ZNF148: variants seen among roughly 807,000 people sequenced by gnomAD.
ZNF148 encodes Beta-Enolase Repressor Factor-1.
Under a neutral mutation model 67.7 loss-of-function variants are expected in ZNF148, and 7 were observed. The observed-to-expected ratio is 0.10, with a 90% CI of 0.06 to 0.19. The LOEUF is 0.19. ZNF148 is among the 10% of genes least tolerant of loss of function. The pLI, the probability that ZNF148 is intolerant of heterozygous loss-of-function variation, is 1.00. For synonymous variants in ZNF148, 333 were observed against 330.7 expected (o/e 1.01, Z -0.08); for missense variants, 583 against 947.1 (o/e 0.62, Z 5.05).
At chr3:125,362,442 C>T (rs540834766) in intron 1 of ZNF148, among the ~76,000 whole-genome samples, 10 of 152,224 alleles carry the variant, frequency 6.6e-5, no homozygotes, top group Middle Eastern at 6.8e-3. Flanking sequence ...AACCACCATG[C>T]ACCCTGGTCT....
intron 7 of ZNF148, among the ~76,000 whole-genome samples, chr3:125,271,590 C>T (rs775060824): frequency 2.0e-5 from 3 of 152,188 alleles, no homozygotes; most frequent in South Asian, 2.1e-4. Flanking sequence ...ACCAGTTATA[C>T]GCACTGAGGG....
chr3:125,290,204 A>G (rs1938932054), intron 4 of ZNF148, among the ~76,000 whole-genome samples: 1 of 152,058 alleles, frequency 6.6e-6, no homozygotes, highest in African/African-American at 2.4e-5. Flanking sequence ...TCCTTTTCAT[A>G]TCTCCCTTCT....
intron 4 of ZNF148, among the ~76,000 whole-genome samples, chr3:125,302,478 GAAGT>G (rs1266363814): frequency 6.6e-6 from 1 of 152,068 alleles, no homozygotes; most frequent in African/African-American, 2.4e-5. Flanking sequence ...CCATAAGTAA[GAAGT>G]AAGGGATAGA....
intron 4 of ZNF148, among the ~76,000 whole-genome samples, chr3:125,301,489 T>C (rs886338936): frequency 2.6e-5 from 4 of 152,180 alleles, no homozygotes; most frequent in Non-Finnish European, 5.9e-5. Flanking sequence ...CACCAAACAC[T>C]AGCGAGTTTA....
At chr3:125,353,707 G>C (rs1383301012) in intron 1 of ZNF148, among the ~76,000 whole-genome samples, 3 of 151,786 alleles carry the variant, frequency 2.0e-5, no homozygotes, top group Non-Finnish European at 4.4e-5. Flanking sequence ...CACCTGCCTT[G>C]GTCTCCCATA....
chr3:125,323,678 C>T (rs996443302), intron 2 of ZNF148, among the ~76,000 whole-genome samples: 4 of 151,938 alleles, frequency 2.6e-5, no homozygotes, highest in African/African-American at 7.2e-5. Context: ...GAACAATTGC[C>T]GGCCAGTCGC....
chr3:125,323,217 T>C, intron 3 of ZNF148, 92 bp downstream of exon 3: 1 of 439,004 alleles, frequency 2.3e-6, no homozygotes, highest in Non-Finnish European at 4.0e-6. Flanking sequence ...ATTATATAAA[T>C]TCAGTATAAA....
At chr3:125,303,628 T>C (rs796761738) in intron 4 of ZNF148, among the ~76,000 whole-genome samples, 2 of 152,276 alleles carry the variant, frequency 1.3e-5, no homozygotes, top group South Asian at 4.1e-4. Flanking sequence ...CACTCCCACA[T>C]GGGATGGTCT....
In ZNF148 at chr3:125,233,929, C is replaced by A; in HGVS notation, c.797G>T (p.Arg266Ile). The change falls in exon 9 of 9, where the codon AGA becomes ATA. Residue 266 changes from arginine to isoleucine, a missense_variant. Physicochemically the swap from Arg to Ile is moderately conservative, Grantham distance 97. Transcript: ENST00000360647. The surrounding 1 kb of genome is among the most constrained non-coding windows in gnomAD (Gnocchi z 5.1). The part of the protein sequence containing the change: ...QCEYCLQYFS[R>I]TDRVLKHKRM... The stretch of plus-strand genomic sequence containing the variant: ...TTTATGTTTCAATACACGATCTGTT[C>A]TGGAAAAATACTGTTGAATTCAGAG... The A allele has an allele frequency of 6.3e-7, 1 of 1,596,938 alleles. No individual in the cohort carries two copies. The highest frequency in any genetic ancestry group is 1.1e-5 in the South Asian group (1 of 87,672).
At chr3:125,278,755 A>G (rs952081372) in intron 6 of ZNF148, among the ~76,000 whole-genome samples, 11 of 152,114 alleles carry the variant, frequency 7.2e-5, no homozygotes, top group African/African-American at 2.4e-5. Flanking sequence ...CTTAGCTATC[A>G]TTTATTTATA....
At chr3:125,299,212 T>C (rs1939455140) in intron 4 of ZNF148, among the ~76,000 whole-genome samples, 2 of 152,222 alleles carry the variant, frequency 1.3e-5, no homozygotes, top group Non-Finnish European at 2.9e-5. Flanking sequence ...AGGCTGACTC[T>C]ACATACCCTG....
chr3:125,352,125 CAA>C (rs35674201), intron 1 of ZNF148, among the ~76,000 whole-genome samples: 28 of 124,530 alleles, frequency 2.2e-4, no homozygotes, highest in Non-Finnish European at 3.0e-4. Flanking sequence ...TCACAATGGC[CAA>C]AAAAAAAAAA....
intron 7 of ZNF148, among the ~76,000 whole-genome samples, chr3:125,270,890 GT>G (rs1207316311): frequency 1.3e-5 from 2 of 152,018 alleles, no homozygotes; most frequent in African/African-American, 4.8e-5. Flanking sequence ...AACAAAAAAA[GT>G]ATTTAAGTTT....
chr3:125,266,980 T>C (rs1252523894), intron 7 of ZNF148, among the ~76,000 whole-genome samples: 2 of 148,028 alleles, frequency 1.4e-5, no homozygotes, highest in African/African-American at 5.0e-5. Context: ...AACACACACC[T>C]CCCAAGATTG....
chr3:125,260,558 G>A lies in ZNF148; in HGVS notation c.667+17168C>T, dbSNP rs148441688. ...TCAATTTATATGATGTTCTGGAAGA[G>A]GCAAAACTACAGAGACAAAAATCTT... On this transcript the variant is annotated intron_variant, in intron 7 of 8. Transcript: ENST00000360647. 5.4e-3 allele frequency among the ~76,000 whole-genome samples: 819 copies of A among 152,286 alleles called. 5 individuals carry two copies. The highest frequency in any genetic ancestry group is 0.019 in the African/African-American group (773 of 41,564).
intron 1 of ZNF148, among the ~76,000 whole-genome samples, chr3:125,352,125 CA>C (rs35674201): frequency 0.47 from 58,727 of 124,344 alleles, 11,605 homozygotes; most frequent in East Asian, 0.53. Flanking sequence ...TCACAATGGC[CA>C]AAAAAAAAAA....
At chr3:125,297,661 A>G (rs1939356741) in intron 4 of ZNF148, among the ~76,000 whole-genome samples, 1 of 146,522 alleles carries the variant, frequency 6.8e-6, no homozygotes, top group South Asian at 2.1e-4. Flanking sequence ...AATCAATTTC[A>G]TTAGTTACTA....
intron 1 of ZNF148, chr3:125,344,611 GATGTAC>G (rs1281055548): frequency 2.6e-6 from 2 of 769,724 alleles, no homozygotes; most frequent in African/African-American, 3.4e-5. Context: ...TCCTGTCATA[GATGTAC>G]CATCTTTTAG....
At chr3:125,268,565 A>G (rs1937592712) in intron 7 of ZNF148, among the ~76,000 whole-genome samples, 1 of 152,232 alleles carries the variant, frequency 6.6e-6, no homozygotes, top group African/African-American at 2.4e-5. Flanking sequence ...TGCAAGACAA[A>G]TTAAAGACTT....
Sources: gnomAD v4.1 joint callset for allele counts (sites outside exome capture counted in the v4.1 genomes callset) on GRCh38, gnomAD v4.1.1 for gene constraint, Gnocchi (gnomAD v3.1) non-coding constraint, MANE v1.5 for transcripts, NCBI Gene and HGNC (gene_info 2026-07-23, HGNC 2026-07-21) for gene names.